ERC1: variants seen among roughly 807,000 people sequenced by gnomAD.
ERC1 encodes the protein RAB6 interacting protein 2.
A neutral mutation model predicts 132.0 loss-of-function variants in ERC1; 56 were observed. The observed-to-expected ratio is 0.42, with a 90% CI of 0.34 to 0.53. The LOEUF is 0.53. Ranked by LOEUF, ERC1 falls within the 20% of genes least tolerant of loss-of-function variation. The pLI, the probability that ERC1 is intolerant of heterozygous loss-of-function variation, is 0.03. For synonymous variants in ERC1, 478 were observed against 476.1 expected (o/e 1.00, Z -0.05); for missense variants, 1,202 against 1,349.9 (o/e 0.89, Z 1.72).
At chr12:1,375,624 C>T (rs1414836778) in intron 16 of ERC1, among the ~76,000 whole-genome samples, 1 of 152,108 alleles carries the variant, frequency 6.6e-6, no homozygotes, top group Admixed American at 6.5e-5. Context: ...CTTAGAGTCC[C>T]CCCTTCCATT....
intron 17 of ERC1, among the ~76,000 whole-genome samples, chr12:1,415,238 G>A (rs994549189): frequency 5.9e-5 from 9 of 152,160 alleles, no homozygotes; most frequent in East Asian, 5.8e-4. Context: ...ACTTCACCCC[G>A]TGGAGCAGTT....
chr12:1,160,065 ATTGT>A (rs1330711149), intron 8 of ERC1, among the ~76,000 whole-genome samples: 1 of 146,430 alleles, frequency 6.8e-6, no homozygotes, highest in Admixed American at 6.8e-5. Context: ...TCTTGATTTG[ATTGT>A]TTAGTCTAAC....
intron 18 of ERC1, among the ~76,000 whole-genome samples, chr12:1,472,818 GTGT>G (rs1284645228): frequency 1.3e-5 from 2 of 152,170 alleles, no homozygotes; most frequent in African/African-American, 2.4e-5. Flanking sequence ...CAGGCATAAA[GTGT>G]TGTTGATAAT....
chr12:1,263,989 C>CAA (rs771508866), intron 14 of ERC1, among the ~76,000 whole-genome samples: 2 of 136,636 alleles, frequency 1.5e-5, no homozygotes, highest in Admixed American at 7.3e-5. Context: ...TGTGCCCGGC[C>CAA]AAAAAAAAAA....
At chr12:1,125,636 T>C (rs1488775122) in intron 7 of ERC1, among the ~76,000 whole-genome samples, 2 of 151,900 alleles carry the variant, frequency 1.3e-5, no homozygotes, top group Non-Finnish European at 2.9e-5. Flanking sequence ...GCCAACATAG[T>C]GAAAACCCGT....
At chr12:1,327,151 A>G (rs916925612) in intron 15 of ERC1, among the ~76,000 whole-genome samples, 1 of 152,058 alleles carries the variant, frequency 6.6e-6, no homozygotes, top group Non-Finnish European at 1.5e-5. Context: ...CTAATTTACA[A>G]ATTACCAAAT....
chr12:1,014,671 C>G (rs754741419), intron 1 of ERC1, among the ~76,000 whole-genome samples: 30 of 152,120 alleles, frequency 2.0e-4, no homozygotes, highest in Non-Finnish European at 3.4e-4. Context: ...AAGCATTCTT[C>G]TGTAACCTGG....
chr12:1,190,592 G>A (rs1317186204), intron 12 of ERC1, among the ~76,000 whole-genome samples: 1 of 152,138 alleles, frequency 6.6e-6, no homozygotes, highest in Non-Finnish European at 1.5e-5. Flanking sequence ...GTTTTTTTAT[G>A]AAGCTGTCTC....
intron 12 of ERC1, among the ~76,000 whole-genome samples, chr12:1,210,933 T>A (rs1045195054): frequency 3.3e-5 from 5 of 151,368 alleles, no homozygotes; most frequent in Admixed American, 6.6e-5. Flanking sequence ...AGGTAGAGGT[T>A]GCAGTGAGCT....
chr12:1,407,420 C>G (rs977654594), intron 16 of ERC1, among the ~76,000 whole-genome samples: 4 of 151,944 alleles, frequency 2.6e-5, no homozygotes, highest in African/African-American at 9.7e-5. Flanking sequence ...AGCATGGTGG[C>G]GTGCACCTGT....
chr12:1,243,099 A>G (rs1387153003), intron 13 of ERC1, among the ~76,000 whole-genome samples: 1 of 151,080 alleles, frequency 6.6e-6, no homozygotes, highest in African/African-American at 2.4e-5. Flanking sequence ...AGGCAGGAGA[A>G]TGGCGTGAAC....
intron 2 of ERC1, among the ~76,000 whole-genome samples, chr12:1,058,510 G>A (rs935344744): frequency 6.6e-6 from 1 of 152,106 alleles, no homozygotes; most frequent in African/African-American, 2.4e-5. Flanking sequence ...CTGTAAATAT[G>A]TGGATTTATT....
At chr12:1,171,465 G>A (rs562303509) in intron 8 of ERC1, among the ~76,000 whole-genome samples, 1 of 148,304 alleles carries the variant, frequency 6.7e-6, no homozygotes, top group South Asian at 2.1e-4. Context: ...AGGGGACTTA[G>A]AACCTGAAAA....
chr12:1,092,121 C>A (rs1943314087), intron 3 of ERC1, among the ~76,000 whole-genome samples: 1 of 151,914 alleles, frequency 6.6e-6, no homozygotes, highest in South Asian at 2.1e-4. Flanking sequence ...GCTTCAGCCT[C>A]CCGAGTAGCT....
intron 12 of ERC1, among the ~76,000 whole-genome samples, chr12:1,195,044 A>G (rs1819397063): frequency 6.6e-6 from 1 of 152,104 alleles, no homozygotes. Context: ...TTATTGATAT[A>G]TGAGCAGCGA....
intron 2 of ERC1, among the ~76,000 whole-genome samples, chr12:1,029,625 C>G (rs1383620841): frequency 3.3e-5 from 5 of 152,048 alleles, no homozygotes; most frequent in African/African-American, 1.2e-4. Context: ...TTTTTCTGTG[C>G]TCCTCCAGGT....
chr12:1,259,689 A>AT (rs1231523028), intron 13 of ERC1, among the ~76,000 whole-genome samples: 2 of 151,398 alleles, frequency 1.3e-5, no homozygotes, highest in East Asian at 1.9e-4. Flanking sequence ...CGCCCAGCTA[A>AT]TTTTTTTGTA....
chr12:1,048,553 G>A (rs898185747), intron 2 of ERC1, among the ~76,000 whole-genome samples: 3 of 152,110 alleles, frequency 2.0e-5, no homozygotes, highest in Admixed American at 6.6e-5. Flanking sequence ...ATACAATTGC[G>A]ATACTTTGTG....
At chr12:1,362,805 A>G (rs983112160) in intron 15 of ERC1, among the ~76,000 whole-genome samples, 11 of 152,220 alleles carry the variant, frequency 7.2e-5, no homozygotes, top group African/African-American at 9.6e-5. Context: ...GTTGCACAGC[A>G]GTATCAGTGT....
Sources: allele counts gnomAD v4.1 joint callset (sites outside exome capture counted in the v4.1 genomes callset), GRCh38; gene constraint gnomAD v4.1.1; transcripts MANE v1.5; gene names NCBI Gene and HGNC (gene_info 2026-07-23, HGNC 2026-07-21).